The following INTS6 variants were observed in gnomAD, a reference collection of about 807,000 sequenced individuals.
The protein encoded by INTS6 is integrator complex subunit 6.
INTS6 carries 16 observed loss-of-function variants against 104.9 expected under a neutral mutation model. The observed-to-expected ratio is 0.15, with a 90% CI of 0.10 to 0.23. INTS6 has a LOEUF of 0.23. Ranked by LOEUF, INTS6 falls within the 10% of genes least tolerant of loss-of-function variation. INTS6 has a pLI of 1.00. For missense variants in INTS6, 584 were observed against 1,062.8 expected, an observed-to-expected ratio of 0.55 and a Z score of 6.26; for synonymous variants, 324 against 358.7, an observed-to-expected ratio of 0.90 and a Z score of 1.09.
At chr13:51,397,052 T>C (rs944611147) in intron 4 of INTS6, among the ~76,000 whole-genome samples, 3 of 152,236 alleles carry the variant, frequency 2.0e-5, no homozygotes, top group South Asian at 2.1e-4. Context: ...AGTATATTTT[T>C]ATACAAAACA....
chr13:51,403,721 A>G (rs1268725947), intron 4 of INTS6, among the ~76,000 whole-genome samples: 1 of 152,058 alleles, frequency 6.6e-6, no homozygotes, highest in Non-Finnish European at 1.5e-5. Flanking sequence ...TTCCCACTTA[A>G]GTTTTAATGA....
rs1230127443 is a variant in INTS6, at chr13:51,363,114, C to T, written c.*2638G>A. 1 of 151,842 alleles carries T rather than the reference C, an allele frequency of 6.6e-6. No individual in the cohort carries two copies. Among genetic ancestry groups the T allele is most frequent in the East Asian group, 1.9e-4 (1 of 5,186 alleles). 9.4% of individuals were successfully genotyped at this position (151,842 alleles called of 1,614,324 possible). A position where few individuals can be genotyped will look rare whatever the true frequency, so the allele number is the denominator to read the frequency against. On this transcript the variant is annotated 3_prime_UTR_variant, in exon 18 of 18. Transcript: ENST00000311234. ...CTACATTTGAACAGAAAGGTCATTGCCAAAAGCCAATAGCCAATAAAGGTT... is the reference window on the plus strand; with the variant it reads ...CTACATTTGAACAGAAAGGTCATTGTCAAAAGCCAATAGCCAATAAAGGTT...
At chr13:51,347,332 T>A in the INTS6 span, 160 of 1,049,008 alleles carry the variant, frequency 1.5e-4, 1 homozygote, top group South Asian at 1.4e-3. Flanking sequence ...GGGATCGGGA[T>A]GTGTTTCCGC....
chr13:51,407,909 C>T (rs1459678298), intron 4 of INTS6, among the ~76,000 whole-genome samples: 1 of 150,040 alleles, frequency 6.7e-6, no homozygotes, highest in Non-Finnish European at 1.5e-5. Context: ...CCCAGCTACT[C>T]GGGAGGCTGA....
At position 51,451,194 on chromosome 13, in the gene INTS6, A is replaced by AT. The variant is rs770873362; in HGVS notation, c.190-21dup. 0.012 allele frequency: 15,132 copies of AT among 1,243,826 alleles called. No homozygotes were observed. The highest frequency in any genetic ancestry group is 0.018 in the South Asian group (1,144 of 61,902). 77.0% of individuals were successfully genotyped at this position (1,243,826 alleles called of 1,614,324 possible). A position where few individuals can be genotyped will look rare whatever the true frequency, so the allele number is the denominator to read the frequency against. Reference sequence around the variant, plus strand: ...TCCAGCCTGAAAAGAAAAATGTAAGATTTTTTTTTTTCATTTTTTAAAGCC... The same window carrying AT: ...TCCAGCCTGAAAAGAAAAATGTAAGATTTTTTTTTTTTCATTTTTTAAAGCC... On this transcript the variant is annotated intron_variant, in intron 2 of 17. Transcript: ENST00000311234.
chr13:51,396,980 C>G (rs1040441577), intron 4 of INTS6, among the ~76,000 whole-genome samples: 1 of 152,140 alleles, frequency 6.6e-6, no homozygotes, highest in Non-Finnish European at 1.5e-5. Context: ...ATCCTTACCA[C>G]TTACAAATTT....
intron 3 of INTS6, chr13:51,449,688 A>G: frequency 2.0e-6 from 2 of 985,312 alleles, no homozygotes; most frequent in Non-Finnish European, 2.4e-6. Flanking sequence ...TTAAGCAGTA[A>G]GACTGTGTTG....
At position 51,367,786 on chromosome 13, in the gene INTS6, T is replaced by A; in HGVS notation, c.2570+19A>T. ...GACTCATTTCATCACCATTTCATTATATGCAATAGTTTATTTACCTTGATG... is the reference window on the plus strand; with the variant it reads ...GACTCATTTCATCACCATTTCATTAAATGCAATAGTTTATTTACCTTGATG... On this transcript the variant is annotated intron_variant, in intron 17 of 17. Coordinates refer to ENST00000311234, the MANE Select transcript of INTS6 (RefSeq NM_012141.3). 1 of 1,311,858 alleles carries A rather than the reference T, an allele frequency of 7.6e-7. No individual in the cohort carries two copies. Among genetic ancestry groups the A allele is most frequent in the Non-Finnish European group, 1.1e-6 (1 of 919,952 alleles). The allele number at this position is 1,311,858 out of a possible 1,614,324, so 81.3% of individuals were successfully genotyped here.
At chr13:51,376,556 G>A (rs1483701052) in intron 12 of INTS6, among the ~76,000 whole-genome samples, 1 of 152,098 alleles carries the variant, frequency 6.6e-6, no homozygotes, top group Non-Finnish European at 1.5e-5. Context: ...TTTGATGAAT[G>A]TTAGTAAATT....
chr13:51,445,970 T>C (rs994121920), intron 3 of INTS6: 1 of 152,174 alleles, frequency 6.6e-6, no homozygotes, highest in African/African-American at 2.4e-5. Flanking sequence ...TCTAAAGCTA[T>C]AAAACTCTTA....
chr13:51,391,675 T>C (rs1956248116), intron 5 of INTS6, among the ~76,000 whole-genome samples: 1 of 152,184 alleles, frequency 6.6e-6, no homozygotes, highest in Non-Finnish European at 1.5e-5. Context: ...TTGGGTTATG[T>C]AGAGTCCACA....
chr13:51,375,766 T>TGTGTGCGC (rs1003965942), intron 13 of INTS6, among the ~76,000 whole-genome samples: 5 of 147,312 alleles, frequency 3.4e-5, no homozygotes, highest in African/African-American at 1.0e-4. Flanking sequence ...TGTGTGTGTG[T>TGTGTGCGC]GCGCGCGCGT....
At position 51,413,784 on chromosome 13, in the gene INTS6, G is replaced by A. The variant is rs929080872; in HGVS notation, c.429+16510C>T. ...CCATGCTATGGTTTCCATATACCAC[G>A]TCCTAATACATGGAACCTGACCTGA... On this transcript the variant is annotated intron_variant, in intron 4 of 17. Coordinates refer to ENST00000311234, the MANE Select transcript of INTS6 (RefSeq NM_012141.3). Among the ~76,000 whole-genome samples the A allele has an allele frequency of 9.2e-5, 14 of 152,114 alleles. No individual in the cohort carries two copies. In the East Asian group the frequency reaches 1.3e-3, roughly 15 times the overall value.
intron 4 of INTS6, among the ~76,000 whole-genome samples, chr13:51,413,526 A>G (rs1956728103): frequency 6.6e-6 from 1 of 152,234 alleles, no homozygotes; most frequent in Non-Finnish European, 1.5e-5. Flanking sequence ...GAAACTCAAA[A>G]TGAGCAAAAA....
rs765073363 is a variant in INTS6, at chr13:51,369,237, G to C, written c.2178C>G (p.Asp726Glu). The change falls in exon 16 of 18, where the codon GAC becomes GAG. Residue 726 changes from aspartate (D) to glutamate (E), a missense_variant. Transcript: ENST00000311234. ...ENHVADQLSS[D>E]ITPNAMDTEF... ...CCGTATCCATAGCATTTGGTGTAAT[G>C]TCTGATGAAAGTTGGTCTGCAACAT... 4 of 1,613,676 alleles carry C rather than the reference G, an allele frequency of 2.5e-6. No individual in the cohort carries two copies. The East Asian group carries it at 8.9e-5, about 36-fold the overall frequency.
At chr13:51,410,253 C>G (rs907805247) in intron 4 of INTS6, among the ~76,000 whole-genome samples, 2 of 152,086 alleles carry the variant, frequency 1.3e-5, no homozygotes, top group African/African-American at 2.4e-5. Context: ...CATGTAAACT[C>G]AAAGGACCTA....
At chr13:51,429,785 A>AAAAAAAAAAAAATATATATATATAT (rs1156333077) in intron 4 of INTS6, among the ~76,000 whole-genome samples, 9 of 92,346 alleles carry the variant, frequency 9.7e-5, no homozygotes, top group Admixed American at 1.4e-4. Context: ...AAAAAAAAAA[A>AAAAAAAAAAAAATATATATATATAT]ATATATATAT....
downstream of INTS6, among the ~76,000 whole-genome samples, chr13:51,352,257 T>C (rs972246977): frequency 6.6e-6 from 1 of 152,126 alleles, no homozygotes. Context: ...TATCTTTCCT[T>C]CCATTTAGGT....
At chr13:51,358,830 G>A (rs1164313266), downstream of INTS6, among the ~76,000 whole-genome samples, 1 of 152,034 alleles carries the variant, frequency 6.6e-6, no homozygotes, top group Admixed American at 6.6e-5. Flanking sequence ...ATAGAATGTT[G>A]TATTGTAGGA....
Sources: gnomAD v4.1 joint callset for allele counts (sites outside exome capture counted in the v4.1 genomes callset) on GRCh38, gnomAD v4.1.1 for gene constraint, MANE v1.5 for transcripts, NCBI Gene and HGNC (gene_info 2026-07-23, HGNC 2026-07-21) for gene names.